SDCBP2: variants seen among roughly 807,000 people sequenced by gnomAD.
The protein encoded by SDCBP2 is syntenin-2.
Under a neutral mutation model 30.7 loss-of-function variants are expected in SDCBP2, and 28 were observed. The ratio of observed to expected loss-of-function variants is 0.91; its 90% CI spans 0.68 to 1.25. SDCBP2 has a LOEUF of 1.25. Ranked by LOEUF, SDCBP2 falls within the 50% of genes most tolerant of loss-of-function variation. The probability of loss-of-function intolerance (pLI) is 0.00; values close to 1 mark genes in which losing one functional copy is unlikely to be tolerated. For synonymous variants in SDCBP2, 166 were observed against 157.3 expected (o/e 1.06, Z -0.41); for missense variants, 399 against 379.0 (o/e 1.05, Z -0.44).
At position 1,313,185 on chromosome 20, in the gene SDCBP2, C is replaced by T. The variant is rs1009497141; in HGVS notation, c.384+155G>A. ...CCCAGCACCAGCCCCGCCCGGGTCT[C>T]GGGGAGGAGGGACTGGGGGCAAGAG... On this transcript the variant is annotated intron_variant, in intron 5 of 8. Transcript: ENST00000360779. The surrounding 1 kb of genome is among the most constrained non-coding windows in gnomAD (Gnocchi z 5.2). 2.0e-5 allele frequency: 16 copies of T among 800,692 alleles called. No homozygotes were observed. Among genetic ancestry groups the T allele is most frequent in the Non-Finnish European group, 3.2e-5 (16 of 502,868 alleles). The allele number at this position is 800,692 out of a possible 1,614,324, so 49.6% of individuals were successfully genotyped here.
rs146066829 is a variant in SDCBP2 at position 1,313,431 on chromosome 20, C to T, written c.293G>A (p.Arg98Gln). 5 of 1,603,752 alleles carry T rather than the reference C, an allele frequency of 3.1e-6. No homozygotes were observed. The African/African-American group carries it at 4.0e-5, about 13-fold the overall frequency. ...CACCCCGGGCTTGATCTCAGCTCGC[C>T]GCACGCCCAGGCTGTACCCGGTTAC... ...APVTGYSLGV[R>Q]RAEIKPGVRE... Residue 98 changes from arginine (R) to glutamine (Q), a missense_variant, in exon 5 of 9, where the codon CGG becomes CAG. Coordinates refer to ENST00000360779, the MANE Select transcript of SDCBP2 (RefSeq NM_080489.5). The surrounding 1 kb of genome is among the most constrained non-coding windows in gnomAD (Gnocchi z 5.2).
chr20:1,310,141 G>T lies in SDCBP2; in HGVS notation c.*300C>A. ...CTGGTAGAGCAAAATTTCTTGAAAG[G>T]GGCCCAGTTGCGACTTTAAGCAGCG... is the stretch of plus-strand genomic sequence containing the variant. On this transcript the variant is annotated 3_prime_UTR_variant, in exon 9 of 9. Transcript: ENST00000360779. 3.3e-6 allele frequency: 1 copy of T among 303,980 alleles called. No individual in the cohort carries two copies. The highest frequency in any genetic ancestry group is 2.1e-5 in the African/African-American group (1 of 46,512). The allele number at this position is 303,980 out of a possible 1,614,324, so 18.8% of individuals were successfully genotyped here.
At position 1,313,220 on chromosome 20, in the gene SDCBP2, TG is replaced by T; in HGVS notation, c.384+119del. ...GGACTGGGGGCAAGAGCCTGGCCGC[TG>T]GGGTTAGGAGGCCCGCTCTGCACCT... is the stretch of plus-strand genomic sequence containing the variant. On this transcript the variant is annotated intron_variant, in intron 5 of 8. Coordinates refer to ENST00000360779, the MANE Select transcript of SDCBP2 (RefSeq NM_080489.5). This position sits in a 1 kb window ranked among gnomAD's most constrained non-coding sequence, Gnocchi z 5.2. The T allele has an allele frequency of 9.3e-7, 1 of 1,079,920 alleles. No individual in the cohort carries two copies. The highest frequency in any genetic ancestry group is 1.3e-6 in the Non-Finnish European group (1 of 745,416). 66.9% of individuals were successfully genotyped at this position (1,079,920 alleles called of 1,614,324 possible). A position where few individuals can be genotyped will look rare whatever the true frequency, so the allele number is the denominator to read the frequency against.
At chr20:1,315,849 T>C (rs987350268) in intron 4 of SDCBP2, among the ~76,000 whole-genome samples, 2 of 152,184 alleles carry the variant, frequency 1.3e-5, no homozygotes, top group African/African-American at 4.8e-5. Flanking sequence ...CAAAGGACTT[T>C]AGAATACACA....
chr20:1,312,300 A>G (rs772883656), intron 7 of SDCBP2, 37 bp downstream of exon 7: 1 of 1,599,494 alleles, frequency 6.3e-7, no homozygotes, highest in Non-Finnish European at 8.5e-7. Context: ...CCCTCCCACC[A>G]CCCGGCAGTC....
rs769153760 is a variant in SDCBP2, at chr20:1,310,750, G to A, written c.824+50C>T. ...TGCACCTGGGAGGCCGGGAGGTGAA[G>A]GGGATGGCAGAGGAGGGGTGAGGAG... On this transcript the variant is annotated intron_variant, in intron 8 of 8. Transcript: ENST00000360779. The A allele has an allele frequency of 7.3e-6, 11 of 1,511,408 alleles. No homozygotes were observed. In the East Asian group the frequency reaches 2.3e-4, roughly 31 times the overall value. 93.6% of individuals were successfully genotyped at this position (1,511,408 alleles called of 1,614,324 possible).
chr20:1,318,461 A>G (rs191225096), intron 3 of SDCBP2, 43 bp from the exon 4 acceptor site: 1 of 1,302,000 alleles, frequency 7.7e-7, no homozygotes, highest in South Asian at 1.3e-5. Flanking sequence ...ATTAGAGGAC[A>G]TGTGCTTCCC....
At chr20:1,317,856 T>A (rs868063878) in intron 4 of SDCBP2, 1 of 321,580 alleles carries the variant, frequency 3.1e-6, no homozygotes, top group South Asian at 2.6e-5. Flanking sequence ...CAGGTAAATA[T>A]GTTTTCAGTG....
At chr20:1,325,077 A>G (rs912118) in intron 1 of SDCBP2, among the ~76,000 whole-genome samples, 59,120 of 151,908 alleles carry the variant, frequency 0.39, 11,639 homozygotes, top group East Asian at 0.6. Flanking sequence ...CCTCTGTCTC[A>G]ATTTCCTGCT....
At chr20:1,311,401 A>G (rs2088666986) in intron 7 of SDCBP2, among the ~76,000 whole-genome samples, 1 of 152,184 alleles carries the variant, frequency 6.6e-6, no homozygotes, top group African/African-American at 2.4e-5. Context: ...TGTTTGATAA[A>G]AAGAGATGGG....
chr20:1,318,450 C>T (rs755829548), intron 3 of SDCBP2, 32 bp from the exon 4 acceptor site: 21 of 1,384,672 alleles, frequency 1.5e-5, no homozygotes, highest in South Asian at 1.3e-4. Context: ...ATAAATGTGT[C>T]ATTAGAGGAC....
At chr20:1,327,925 T>C (rs1375434191) in intron 1 of SDCBP2, among the ~76,000 whole-genome samples, 1 of 152,202 alleles carries the variant, frequency 6.6e-6, no homozygotes, top group African/African-American at 2.4e-5. Context: ...GTACTTTCTT[T>C]GGGGGAAGAG....
rs56246307 is a variant in SDCBP2 at position 1,321,143 on chromosome 20, G to A, written c.-19-708C>T. On this transcript the variant is annotated intron_variant, in intron 1 of 8. Coordinates refer to ENST00000360779, the MANE Select transcript of SDCBP2 (RefSeq NM_080489.5). The surrounding 1 kb of genome is among the most constrained non-coding windows in gnomAD (Gnocchi z 5.2). ...TCCGGGACAGCTCCGGGACAGCACCGGGCCAGCCTCTTGCTTGAACTCGCC... is the reference window on the plus strand; with the variant it reads ...TCCGGGACAGCTCCGGGACAGCACCAGGCCAGCCTCTTGCTTGAACTCGCC... 0.016 allele frequency: 2,510 copies of A among 152,666 alleles called. 30 individuals are homozygous for A. Among genetic ancestry groups the A allele is most frequent in the Non-Finnish European group, 0.026 (1,773 of 68,334 alleles). 9.5% of individuals were successfully genotyped at this position (152,666 alleles called of 1,614,324 possible).
Position 1,320,216 on chromosome 20 carries a change from C to T in SDCBP2, c.54+147G>A, listed in dbSNP as rs530518743. 72 of 700,832 alleles carry T rather than the reference C, an allele frequency of 1.0e-4. No individual in the cohort carries two copies. In the Admixed American group the frequency reaches 1.2e-3, roughly 11 times the overall value. The allele number at this position is 700,832 out of a possible 1,614,324, so 43.4% of individuals were successfully genotyped here. A position where few individuals can be genotyped will look rare whatever the true frequency, so the allele number is the denominator to read the frequency against. ...GCCATTGGCATTGCCCCCTGGATGTCTTCTCTGCCCAGCAGGCCCTGCAGT... is the reference window on the plus strand; with the variant it reads ...GCCATTGGCATTGCCCCCTGGATGTTTTCTCTGCCCAGCAGGCCCTGCAGT... On this transcript the variant is annotated intron_variant, in intron 2 of 8. Transcript: ENST00000360779. The surrounding 1 kb of genome is among the most constrained non-coding windows in gnomAD (Gnocchi z 4.7).
chr20:1,312,652 C>A lies in SDCBP2; in HGVS notation c.495G>T (p.Ser165=). Residue 165 remains serine (S), a synonymous_variant, in exon 6 of 9, where the codon TCG becomes TCT. Transcript: ENST00000360779. ...IDGRDCAGWS[S]HKAHQVVKKA... is the part of the protein sequence containing the mutation. ...TCTTCACCACCTGATGGGCTTTGTG[C>A]GAGCTCCACCCAGCACAGTCACGCC... 6.2e-7 allele frequency: 1 copy of A among 1,614,130 alleles called. No individual in the cohort carries two copies.
intron 1 of SDCBP2, chr20:1,322,756 A>G (rs2088865210): frequency 6.6e-6 from 1 of 152,142 alleles, no homozygotes; most frequent in Non-Finnish European, 1.5e-5. Flanking sequence ...TTTTTTGTAG[A>G]GACAGGGTTT....
rs765015617 is a variant in SDCBP2 at position 1,310,420 on chromosome 20, C to T, written c.*21G>A. 1 of 1,612,242 alleles carries T rather than the reference C, an allele frequency of 6.2e-7. No homozygotes were observed. The highest frequency in any genetic ancestry group is 1.1e-5 in the South Asian group (1 of 90,978). ...CAGGAGGGCGGGAAGCCCCCCCTGC[C>T]TGCCCTGCCCTGCAGTGGCTTCAGG... On this transcript the variant is annotated 3_prime_UTR_variant, in exon 9 of 9. Coordinates refer to ENST00000360779, the MANE Select transcript of SDCBP2 (RefSeq NM_080489.5).
At chr20:1,319,019 G>C (rs565664212) in intron 3 of SDCBP2, among the ~76,000 whole-genome samples, 1 of 152,300 alleles carries the variant, frequency 6.6e-6, no homozygotes, top group South Asian at 2.1e-4. Context: ...TTTTGTTATG[G>C]AAGCCTAAGC....
In SDCBP2 at chr20:1,310,429, C is replaced by T; in HGVS notation, c.*12G>A. ...GGGAAGCCCCCCCTGCCTGCCCTGC[C>T]CTGCAGTGGCTTCAGGCATCTGGGA... On this transcript the variant is annotated 3_prime_UTR_variant, in exon 9 of 9. Coordinates refer to ENST00000360779, the MANE Select transcript of SDCBP2 (RefSeq NM_080489.5). 2 of 1,613,124 alleles carry T rather than the reference C, an allele frequency of 1.2e-6. No homozygotes were observed. The highest frequency in any genetic ancestry group is 1.7e-6 in the Non-Finnish European group (2 of 1,179,810).
Sources: allele counts gnomAD v4.1 joint callset (sites outside exome capture counted in the v4.1 genomes callset), GRCh38; gene constraint gnomAD v4.1.1; non-coding constraint Gnocchi (gnomAD v3.1); transcripts MANE v1.5; gene names NCBI Gene and HGNC (gene_info 2026-07-23, HGNC 2026-07-21).